TMEM167A: variants seen among roughly 807,000 people sequenced by gnomAD.
TMEM167A encodes transmembrane protein 167A.
In TMEM167A, 8 loss-of-function variants were observed where a neutral mutation model predicts 11.6. The ratio of observed to expected loss-of-function variants is 0.69; its 90% CI spans 0.40 to 1.24. The LOEUF is 1.24. Ranked by LOEUF, TMEM167A falls within the 50% of genes most tolerant of loss-of-function variation. TMEM167A has a pLI of 0.01. For missense variants in TMEM167A, 62 were observed against 87.0 expected (o/e 0.71, Z 1.14); for synonymous variants, 22 against 28.0 (o/e 0.79, Z 0.67).
chr5:83,071,832 G>A (rs1257062694), intron 1 of TMEM167A, among the ~76,000 whole-genome samples: 1 of 152,046 alleles, frequency 6.6e-6, no homozygotes, highest in Non-Finnish European at 1.5e-5. Flanking sequence ...CAGCAACAGT[G>A]GCCACAAAAT....
intron 1 of TMEM167A, among the ~76,000 whole-genome samples, chr5:83,074,792 T>C (rs1744614385): frequency 6.6e-6 from 1 of 151,546 alleles, no homozygotes; most frequent in Non-Finnish European, 1.5e-5. Flanking sequence ...TTTTTTGAGA[T>C]GGAGTTTCGC....
intron 2 of TMEM167A, 74 bp downstream of exon 2, chr5:83,064,931 CTAA>C: frequency 1.2e-6 from 1 of 848,294 alleles, no homozygotes; most frequent in African/African-American, 1.8e-5. Flanking sequence ...ATTAAATTAT[CTAA>C]TAATTTATAT....
At chr5:83,061,212 T>C (rs1173659083) in intron 3 of TMEM167A, among the ~76,000 whole-genome samples, 2 of 152,210 alleles carry the variant, frequency 1.3e-5, no homozygotes, top group Non-Finnish European at 2.9e-5. Context: ...AAGACTTTCA[T>C]TAGATGGGAA....
At chr5:83,064,107 A>AT (rs1420904693) in intron 2 of TMEM167A, 35 of 358,674 alleles carry the variant, frequency 9.8e-5, no homozygotes, top group African/African-American at 7.6e-4. Flanking sequence ...TAACACGTAT[A>AT]TAAGTAGAAA....
intron 1 of TMEM167A, among the ~76,000 whole-genome samples, chr5:83,072,555 GT>G (rs1194492272): frequency 6.6e-6 from 1 of 152,092 alleles, no homozygotes; most frequent in Non-Finnish European, 1.5e-5. Context: ...TTGAGATGGA[GT>G]CTCACTCTGT....
chr5:83,055,985 T>C lies in TMEM167A; in HGVS notation c.*1099A>G, dbSNP rs1744325151. ...CCTTAAGAAATGTTAACCATGACCTTAAAATAACTGCTCTATTGTAAAATT... is the reference window on the plus strand; with the variant it reads ...CCTTAAGAAATGTTAACCATGACCTCAAAATAACTGCTCTATTGTAAAATT... On this transcript the variant is annotated 3_prime_UTR_variant, in exon 4 of 4. Coordinates refer to ENST00000502346, the MANE Select transcript of TMEM167A (RefSeq NM_174909.5). 2 of 152,006 alleles carry C rather than the reference T, an allele frequency of 1.3e-5. No homozygotes were observed. The highest frequency in any genetic ancestry group is 2.4e-5 in the African/African-American group (1 of 41,428). 9.4% of individuals were successfully genotyped at this position (152,006 alleles called of 1,614,324 possible).
chr5:83,070,956 A>C (rs560254527), intron 1 of TMEM167A, among the ~76,000 whole-genome samples: 129 of 151,992 alleles, frequency 8.5e-4, no homozygotes, highest in African/African-American at 2.7e-3. Context: ...TTAGGAATAG[A>C]AGAAGGAAAA....
Position 83,054,390 on chromosome 5 carries a change from A to T in TMEM167A, c.*2694T>A, listed in dbSNP as rs1427414452. 4 of 151,938 alleles carry T rather than the reference A, an allele frequency of 2.6e-5. No individual in the cohort carries two copies. Among genetic ancestry groups the T allele is most frequent in the African/African-American group, 9.7e-5 (4 of 41,406 alleles). The allele number at this position is 151,938 out of a possible 1,614,324, so 9.4% of individuals were successfully genotyped here. ...AGCTGAAGCCAATCCAGAACTAAAC[A>T]TCAGCACACAAAAAATACCAGGATA... On this transcript the variant is annotated 3_prime_UTR_variant, in exon 4 of 4. Coordinates refer to ENST00000502346, the MANE Select transcript of TMEM167A (RefSeq NM_174909.5).
intron 3 of TMEM167A, among the ~76,000 whole-genome samples, chr5:83,058,848 A>G (rs1744368711): frequency 6.6e-6 from 1 of 152,054 alleles, no homozygotes; most frequent in South Asian, 2.1e-4. Context: ...TTTTAATGTT[A>G]CTTTTTGTCT....
chr5:83,064,912 C>A lies in TMEM167A; in HGVS notation c.113+96G>T, dbSNP rs1014896213. ...AAAAAGTTATTATAAAACCAAATTA[C>A]ATGTAGGAATTAAATTATCTAATAA... On this transcript the variant is annotated intron_variant, in intron 2 of 3. Coordinates refer to ENST00000502346, the MANE Select transcript of TMEM167A (RefSeq NM_174909.5). The A allele has an allele frequency of 5.5e-6, 4 of 733,528 alleles. No individual in the cohort carries two copies. In the South Asian group the frequency reaches 6.0e-5, roughly 11 times the overall value. The allele number at this position is 733,528 out of a possible 1,614,324, so 45.4% of individuals were successfully genotyped here.
intron 3 of TMEM167A, among the ~76,000 whole-genome samples, chr5:83,060,271 T>G (rs972181296): frequency 6.6e-6 from 1 of 151,924 alleles, no homozygotes; most frequent in Non-Finnish European, 1.5e-5. Flanking sequence ...GTTGTCAGAC[T>G]GGCTAACAAT....
intron 1 of TMEM167A, among the ~76,000 whole-genome samples, chr5:83,074,801 G>A (rs1463726825): frequency 6.7e-6 from 1 of 149,834 alleles, no homozygotes; most frequent in South Asian, 2.1e-4. Context: ...ATGGAGTTTC[G>A]CTCTTGTTGT....
At chr5:83,069,940 C>G (rs1320744377) in intron 1 of TMEM167A, among the ~76,000 whole-genome samples, 1 of 151,780 alleles carries the variant, frequency 6.6e-6, no homozygotes, top group Non-Finnish European at 1.5e-5. Context: ...TTTGTTAACT[C>G]TTCAAGAGAA....
rs1429739466 is a variant in TMEM167A at position 83,055,482 on chromosome 5, GGAA to G, written c.*1599_*1601del. On this transcript the variant is annotated 3_prime_UTR_variant, in exon 4 of 4. Coordinates refer to ENST00000502346, the MANE Select transcript of TMEM167A (RefSeq NM_174909.5). Reference sequence around the variant, plus strand: ...TGTAAAGCCCAAGAGGCAGTTTAGAGGAAGAACAATGATTATAACCTGATTCCC... The same window carrying G: ...TGTAAAGCCCAAGAGGCAGTTTAGAGGAACAATGATTATAACCTGATTCCC... The G allele has an allele frequency of 6.6e-6, 1 of 151,794 alleles. No individual in the cohort carries two copies. The highest frequency in any genetic ancestry group is 1.5e-5 in the Non-Finnish European group (1 of 67,910). 9.4% of individuals were successfully genotyped at this position (151,794 alleles called of 1,614,324 possible).
chr5:83,069,345 A>C (rs1420296255), intron 1 of TMEM167A, among the ~76,000 whole-genome samples: 5 of 152,304 alleles, frequency 3.3e-5, no homozygotes, highest in Non-Finnish European at 7.4e-5. Context: ...CAGTGAAAAA[A>C]TAATTGCAAT....
At chr5:83,073,745 G>A (rs1377227882) in intron 1 of TMEM167A, among the ~76,000 whole-genome samples, 2 of 152,214 alleles carry the variant, frequency 1.3e-5, no homozygotes, top group African/African-American at 2.4e-5. Context: ...TGAAGACAAC[G>A]TGCAATTGGG....
At chr5:83,072,217 A>C (rs1744572811) in intron 1 of TMEM167A, among the ~76,000 whole-genome samples, 1 of 152,172 alleles carries the variant, frequency 6.6e-6, no homozygotes, top group Non-Finnish European at 1.5e-5. Flanking sequence ...GATAAGGCAA[A>C]AGGGTGTCAA....
intron 3 of TMEM167A, among the ~76,000 whole-genome samples, chr5:83,059,829 C>A (rs1275774684): frequency 2.0e-5 from 3 of 151,924 alleles, no homozygotes; most frequent in African/African-American, 4.8e-5. Flanking sequence ...AGCAACATCC[C>A]TCACCTATAC....
At chr5:83,070,354 A>G (rs1744542339) in intron 1 of TMEM167A, among the ~76,000 whole-genome samples, 1 of 152,176 alleles carries the variant, frequency 6.6e-6, no homozygotes, top group Non-Finnish European at 1.5e-5. Flanking sequence ...TTTGTCATCA[A>G]GGGCTCTTTT....
Sources: gnomAD v4.1 joint callset for allele counts (sites outside exome capture counted in the v4.1 genomes callset) on GRCh38, gnomAD v4.1.1 for gene constraint, MANE v1.5 for transcripts, NCBI Gene and HGNC (gene_info 2026-07-23, HGNC 2026-07-21) for gene names.